Variants in WRAP53 observed in about 807,000 individuals in gnomAD.
The protein encoded by WRAP53 is WD repeat containing antisense to TP53.
A neutral mutation model predicts 56.6 loss-of-function variants in WRAP53; 28 were observed. That is an observed-to-expected ratio of 0.50 (90% CI 0.37 to 0.68). The LOEUF (loss-of-function observed/expected upper bound fraction) is 0.68. Ranked by LOEUF, WRAP53 falls within the 30% of genes least tolerant of loss-of-function variation. WRAP53 has a pLI of 0.00. For synonymous variants in WRAP53, 283 were observed against 283.4 expected, an observed-to-expected ratio of 1.00 and a Z score of 0.01; for missense variants, 671 against 715.5, an observed-to-expected ratio of 0.94 and a Z score of 0.71.
chr17:7,686,135 A>G (rs966138334), upstream of WRAP53: 1 of 152,242 alleles, frequency 6.6e-6, no homozygotes, highest in African/African-American at 2.4e-5. Flanking sequence ...ACGGAGGACC[A>G]CACGGACGCC....
intron 4 of WRAP53, among the ~76,000 whole-genome samples, chr17:7,699,375 C>T (rs1354787990): frequency 1.4e-5 from 2 of 144,030 alleles, no homozygotes; most frequent in East Asian, 2.0e-4. Context: ...GAACTGAGAT[C>T]GTGCCACTGC....
chr17:7,694,129 T>C (rs527663326), intron 4 of WRAP53, among the ~76,000 whole-genome samples: 3 of 152,074 alleles, frequency 2.0e-5, no homozygotes, highest in Non-Finnish European at 4.4e-5. Flanking sequence ...CTAAAAAAGA[T>C]ACAAAGTTAG....
intron 4 of WRAP53, among the ~76,000 whole-genome samples, chr17:7,690,747 A>T (rs1325892411): frequency 6.6e-6 from 1 of 152,038 alleles, no homozygotes; most frequent in East Asian, 1.9e-4. Flanking sequence ...CCCCATCGCT[A>T]CTAAAAATAC....
upstream of WRAP53, chr17:7,686,164 G>A (rs1355883589): frequency 5.3e-5 from 8 of 152,246 alleles, no homozygotes; most frequent in East Asian, 1.2e-3. Flanking sequence ...CGCCCCTTCC[G>A]CTTCACGACG....
In WRAP53 at chr17:7,701,679, C is replaced by G; in HGVS notation, c.845C>G (p.Ser282Trp). 1 of 1,614,252 alleles carries G rather than the reference C, an allele frequency of 6.2e-7. No individual in the cohort carries two copies. The highest frequency in any genetic ancestry group is 8.5e-7 in the Non-Finnish European group (1 of 1,180,052). Residue 282 changes from serine (S) to tryptophan (W), a missense_variant, in exon 7 of 11, where the codon TCG becomes TGG. This residue lies in a region of WRAP53 where 406 missense variants were observed against 418.5 expected (regional missense o/e 0.97). Transcript: ENST00000396463. This position sits in a 1 kb window ranked among gnomAD's most constrained non-coding sequence, Gnocchi z 4.2. ...CAGGATGAGCTGACGGCAGCCCATTCGCTCTGCTTCTCCCCGGATGGCTCC... is the reference window on the plus strand; with the variant it reads ...CAGGATGAGCTGACGGCAGCCCATTGGCTCTGCTTCTCCCCGGATGGCTCC... ...NHLDELTAAHSLCFSPDGSQL... is the reference protein window; with the variant it reads ...NHLDELTAAHWLCFSPDGSQL...
chr17:7,699,442 A>ATATATATATATATATT (rs1348320517), intron 4 of WRAP53, among the ~76,000 whole-genome samples: 6 of 65,380 alleles, frequency 9.2e-5, no homozygotes, highest in African/African-American at 3.0e-4. Flanking sequence ...AAAAAAATTT[A>ATATATATATATATATT]TATATATATA....
chr17:7,698,914 G>A (rs1007998947), intron 4 of WRAP53, among the ~76,000 whole-genome samples: 1 of 151,438 alleles, frequency 6.6e-6, no homozygotes, highest in Non-Finnish European at 1.5e-5. Flanking sequence ...AAATAAGCCA[G>A]GTATGGTGGC....
rs886053517 is a variant in WRAP53 at position 7,688,563 on chromosome 17, T to G, written c.-2+2T>G. The G allele has an allele frequency of 4.1e-6, 6 of 1,450,744 alleles. No homozygotes were observed. The East Asian group carries it at 1.5e-4, about 35-fold the overall frequency. 89.9% of individuals were successfully genotyped at this position (1,450,744 alleles called of 1,614,324 possible). On this transcript the variant is annotated splice_donor_variant, in intron 1 of 10. Transcript: ENST00000396463. LOFTEE classifies it low-confidence loss of function (5UTR_SPLICE). ...TCCCAGAAGAGGAGGGAAGCACAGG[T>G]GGGTTTCTTTAGCTCTGCGTCGGAT...
chr17:7,689,498 G>C, intron 3 of WRAP53, 92 bp from the exon 4 acceptor site: 1 of 1,365,020 alleles, frequency 7.3e-7, no homozygotes, highest in South Asian at 1.2e-5. Context: ...AGGATTCAGG[G>C]GGGCTTACCT....
rs967950820 is a variant in WRAP53 at position 7,689,512 on chromosome 17, C to T, written c.531-78C>T. On this transcript the variant is annotated intron_variant, in intron 3 of 10. Transcript: ENST00000396463. ...AAGGATTCAGGGGGGCTTACCTACC[C>T]CAGAGGCAGGCTCAGCCCTAGCCCT... is the stretch of plus-strand genomic sequence containing the variant. 13 of 1,448,398 alleles carry T rather than the reference C, an allele frequency of 9.0e-6. No homozygotes were observed. The African/African-American group carries it at 9.8e-5, about 11-fold the overall frequency. 89.7% of individuals were successfully genotyped at this position (1,448,398 alleles called of 1,614,324 possible). A position where few individuals can be genotyped will look rare whatever the true frequency, so the allele number is the denominator to read the frequency against.
rs749740076 is a variant in WRAP53 at position 7,694,242 on chromosome 17, C to CTTT, written c.642+4558_642+4560dup. On this transcript the variant is annotated intron_variant, in intron 4 of 10. Coordinates refer to ENST00000396463, the MANE Select transcript of WRAP53 (RefSeq NM_001143992.2). ...GTCAATTTGTTTTCTTTTTTTCTTT[C>CTTT]TTTTTTTTTTTTTTTTTTTGAGACA... Among the ~76,000 whole-genome samples the CTTT allele has an allele frequency of 2.3e-4, 28 of 122,578 alleles. 1 individual carries two copies. The highest frequency in any genetic ancestry group is 5.1e-4 in the South Asian group (2 of 3,910). The allele number at this position is 122,578 out of a possible 152,430, so 80.4% of individuals were successfully genotyped here.
At position 7,702,709 on chromosome 17, in the gene WRAP53, G is replaced by A. The variant is rs759604308; in HGVS notation, c.1165-34G>A. 1.2e-6 allele frequency: 2 copies of A among 1,609,892 alleles called. No individual in the cohort carries two copies. Among genetic ancestry groups the A allele is most frequent in the South Asian group, 1.1e-5 (1 of 91,042 alleles). ...GGGAGGCAGGGACATCCAGGGCTTT[G>A]GGGGTGACTCCAGGTCCTGTTCCTT... On this transcript the variant is annotated intron_variant, in intron 8 of 10. Coordinates refer to ENST00000396463, the MANE Select transcript of WRAP53 (RefSeq NM_001143992.2). This position sits in a 1 kb window ranked among gnomAD's most constrained non-coding sequence, Gnocchi z 5.0.
At chr17:7,700,607 G>T in intron 4 of WRAP53, 134 bp from the exon 5 acceptor site, 1 of 740,782 alleles carries the variant, frequency 1.3e-6, no homozygotes, top group Non-Finnish European at 2.5e-6. Context: ...ATTAAAGTCT[G>T]AGCTCACCCT....
chr17:7,693,410 T>C (rs2074140616), intron 4 of WRAP53, among the ~76,000 whole-genome samples: 1 of 152,118 alleles, frequency 6.6e-6, no homozygotes, highest in Non-Finnish European at 1.5e-5. Context: ...AGAATTAAAA[T>C]AATCAGTAAT....
At chr17:7,700,615 C>T (rs186707604) in intron 4 of WRAP53, 126 bp from the exon 5 acceptor site, 14 of 764,446 alleles carry the variant, frequency 1.8e-5, no homozygotes, top group Non-Finnish European at 3.2e-5. Flanking sequence ...CTGAGCTCAC[C>T]CTTGAACATT....
At chr17:7,693,933 A>G (rs2074146729) in intron 4 of WRAP53, among the ~76,000 whole-genome samples, 1 of 152,124 alleles carries the variant, frequency 6.6e-6, no homozygotes, top group Non-Finnish European at 1.5e-5. Flanking sequence ...ACAGTGGGTA[A>G]GGAACTGGAC....
At chr17:7,699,476 T>TTATATATA (rs1299417199) in intron 4 of WRAP53, among the ~76,000 whole-genome samples, 160 of 11,330 alleles carry the variant, frequency 0.014, 2 homozygotes, top group Middle Eastern at 0.1. Context: ...ATATATATAT[T>TTATATATA]TATATATATA....
chr17:7,692,746 C>CTTTTT lies in WRAP53; in HGVS notation c.642+3065_642+3069dup, dbSNP rs1177019881. ...ACTAATGTCCTCTTGGGTCATTCTC[C>CTTTTT]TTTTTTTTTTTTTTTTTTTTTTTTG... On this transcript the variant is annotated intron_variant, in intron 4 of 10. Transcript: ENST00000396463. Among the ~76,000 whole-genome samples, 50 of 98,052 alleles carry CTTTTT rather than the reference C, an allele frequency of 5.1e-4. 2 individuals are homozygous for CTTTTT. Among genetic ancestry groups the CTTTTT allele is most frequent in the African/African-American group, 1.8e-3 (36 of 19,908 alleles). 64.3% of individuals were successfully genotyped at this position (98,052 alleles called of 152,430 possible). A position where few individuals can be genotyped will look rare whatever the true frequency, so the allele number is the denominator to read the frequency against.
At chr17:7,699,984 C>T (rs2074252614) in intron 4 of WRAP53, among the ~76,000 whole-genome samples, 1 of 151,988 alleles carries the variant, frequency 6.6e-6, no homozygotes, top group Non-Finnish European at 1.5e-5. Context: ...CTGCCTGCCT[C>T]AGCCTCCCTA....
Sources: gnomAD v4.1 joint callset for allele counts (sites outside exome capture counted in the v4.1 genomes callset) on GRCh38, gnomAD v4.1.1 for gene constraint, gnomAD v4.1.1 regional missense constraint, Gnocchi (gnomAD v3.1) non-coding constraint, MANE v1.5 for transcripts, NCBI Gene and HGNC (gene_info 2026-07-23, HGNC 2026-07-21) for gene names.